MALRD1: variants seen among roughly 807,000 people sequenced by gnomAD.
The protein encoded by MALRD1 is MAM and LDL receptor class A domain containing 1, also known as MAM and LDL-receptor class A domain-containing protein 1.
Under a neutral mutation model 242.1 loss-of-function variants are expected in MALRD1, and 247 were observed. The ratio of observed to expected loss-of-function variants is 1.02; its 90% confidence interval spans 0.92 to 1.13. The LOEUF (loss-of-function observed/expected upper bound fraction) is 1.13, where lower values mean the gene tolerates loss of function less well. MALRD1 is among the 50% of genes most tolerant of loss of function. MALRD1 has a pLI of 0.00. For missense variants in MALRD1, 2,989 were observed against 2,533.1 expected, an observed-to-expected ratio of 1.18 and a Z score of -3.86; for synonymous variants, 995 against 866.6, an observed-to-expected ratio of 1.15 and a Z score of -2.60.
intron 32 of MALRD1, among the ~76,000 whole-genome samples, chr10:19,538,322 A>G (rs1236199371): frequency 6.6e-6 from 1 of 152,210 alleles, no homozygotes; most frequent in Non-Finnish European, 1.5e-5. Flanking sequence ...ATATCCTTCA[A>G]TTAAAGGCTG....
At chr10:19,562,644 A>G (rs997480969) in intron 32 of MALRD1, among the ~76,000 whole-genome samples, 21 of 152,204 alleles carry the variant, frequency 1.4e-4, no homozygotes, top group African/African-American at 5.1e-4. Context: ...TATGACCTCA[A>G]TTCTCTAATG....
chr10:19,335,735 T>A lies in MALRD1; in HGVS notation c.3901+4153T>A, dbSNP rs555603824. Among the ~76,000 whole-genome samples, 4 of 152,260 alleles carry A rather than the reference T, an allele frequency of 2.6e-5. No individual in the cohort carries two copies. The East Asian group carries it at 5.8e-4, about 22-fold the overall frequency. On this transcript the variant is annotated intron_variant, in intron 24 of 39. Transcript: ENST00000454679. ...AATGTGATTAGGTAGAAATATACCA[T>A]CTAGGAATAGCAGAAAGAATGAAAG...
chr10:19,085,372 A>T (rs1835633884), intron 2 of MALRD1, among the ~76,000 whole-genome samples: 1 of 152,046 alleles, frequency 6.6e-6, no homozygotes, highest in African/African-American at 2.4e-5. Flanking sequence ...CTCATACTAA[A>T]GGAGCAAGGT....
chr10:19,392,826 T>C (rs1846395356), intron 28 of MALRD1, among the ~76,000 whole-genome samples: 1 of 152,192 alleles, frequency 6.6e-6, no homozygotes, highest in East Asian at 1.9e-4. Context: ...AATAACAATT[T>C]TTTAAATACA....
chr10:19,471,783 T>C (rs1836511063), intron 29 of MALRD1, among the ~76,000 whole-genome samples: 1 of 151,862 alleles, frequency 6.6e-6, no homozygotes, highest in Non-Finnish European at 1.5e-5. Context: ...ATCCTGCAAC[T>C]TTACAAAATT....
chr10:19,643,347 G>A (rs1469907484), intron 36 of MALRD1, among the ~76,000 whole-genome samples: 1 of 152,152 alleles, frequency 6.6e-6, no homozygotes, highest in Non-Finnish European at 1.5e-5. Flanking sequence ...TCAGGAGGCT[G>A]AAGCAGTAGA....
At chr10:19,157,480 C>T (rs914156015) in intron 12 of MALRD1, among the ~76,000 whole-genome samples, 6 of 152,018 alleles carry the variant, frequency 3.9e-5, no homozygotes, top group South Asian at 2.1e-4. Flanking sequence ...ATCTCCTGAC[C>T]TCGTGATTCA....
intron 9 of MALRD1, 71 bp downstream of exon 9, chr10:19,134,019 A>G: frequency 3.0e-6 from 2 of 674,540 alleles, no homozygotes; most frequent in Middle Eastern, 4.7e-4. Context: ...TAAATTGACC[A>G]TGCACTGCTA....
intron 36 of MALRD1, among the ~76,000 whole-genome samples, chr10:19,676,452 A>AT (rs1589387889): frequency 1.3e-5 from 2 of 152,150 alleles, no homozygotes; most frequent in South Asian, 4.1e-4. Context: ...ATTTGGACAT[A>AT]TTTTTTAACC....
rs77192430 is a variant in MALRD1 at position 19,196,845 on chromosome 10, C to G, written c.1952-6883C>G. 6.5e-3 allele frequency among the ~76,000 whole-genome samples: 995 copies of G among 152,266 alleles called. 6 individuals carry two copies. The highest frequency in any genetic ancestry group is 9.1e-3 in the Non-Finnish European group (621 of 68,020). ...ATCATTAACTTCTGTTTTTCTCATA[C>G]TACACCTTTGATATCAATTAATCCT... is the stretch of plus-strand genomic sequence containing the variant. On this transcript the variant is annotated intron_variant, in intron 14 of 39. Coordinates refer to ENST00000454679, the MANE Select transcript of MALRD1 (RefSeq NM_001142308.3).
chr10:19,386,533 C>G (rs562774436), intron 26 of MALRD1, among the ~76,000 whole-genome samples: 1 of 152,192 alleles, frequency 6.6e-6, no homozygotes, highest in African/African-American at 2.4e-5. Context: ...CAGTTAAATT[C>G]TGTTGTAATA....
intron 29 of MALRD1, among the ~76,000 whole-genome samples, chr10:19,466,057 A>G (rs1208415848): frequency 1.3e-5 from 2 of 152,214 alleles, no homozygotes; most frequent in Non-Finnish European, 2.9e-5. Flanking sequence ...ATTTACATCT[A>G]TGATTAATAA....
At position 19,514,670 on chromosome 10, in the gene MALRD1, C is replaced by G. The variant is rs1189473222; in HGVS notation, c.5320+16024C>G. ...GTACATAGTTATAGGAAAGAAAAACCTTAGTTCATTTAATAAACAGAACTC... is the reference window on the plus strand; with the variant it reads ...GTACATAGTTATAGGAAAGAAAAACGTTAGTTCATTTAATAAACAGAACTC... On this transcript the variant is annotated intron_variant, in intron 31 of 39. Coordinates refer to ENST00000454679, the MANE Select transcript of MALRD1 (RefSeq NM_001142308.3). Among the ~76,000 whole-genome samples, 3 of 152,018 alleles carry G rather than the reference C, an allele frequency of 2.0e-5. 1 individual carries two copies. Among genetic ancestry groups the G allele is most frequent in the Non-Finnish European group, 4.4e-5 (3 of 67,944 alleles).
intron 36 of MALRD1, among the ~76,000 whole-genome samples, chr10:19,618,778 G>A (rs538415772): frequency 2.0e-5 from 3 of 151,976 alleles, no homozygotes; most frequent in African/African-American, 4.8e-5. Flanking sequence ...TCACCTTTTC[G>A]TCTTGGCAGT....
chr10:19,693,880 A>G (rs1464256803), intron 38 of MALRD1, among the ~76,000 whole-genome samples: 1 of 152,324 alleles, frequency 6.6e-6, no homozygotes, highest in East Asian at 1.9e-4. Context: ...AAACAGAGAT[A>G]TAGACGAATG....
At position 19,209,377 on chromosome 10, in the gene MALRD1, A is replaced by C; in HGVS notation, c.2688A>C (p.Thr896=). 6.4e-7 allele frequency: 1 copy of C among 1,551,020 alleles called. No homozygotes were observed. The highest frequency in any genetic ancestry group is 8.7e-7 in the Non-Finnish European group (1 of 1,147,078). Residue 896 remains threonine, a synonymous_variant, in exon 18 of 40, where the codon ACA becomes ACC. Coordinates refer to ENST00000454679, the MANE Select transcript of MALRD1 (RefSeq NM_001142308.3). ...AGGGTCCAACTCCAACACTTAACAC[A>C]GGGCCAATGAAAGATAACACTCTGG... The part of the protein sequence containing the change: ...RSQGPTPTLN[T]GPMKDNTLGT...
chr10:19,600,784 GAATGAGCTATGTGGCACAA>G (rs1838303793), intron 34 of MALRD1, among the ~76,000 whole-genome samples: 1 of 152,142 alleles, frequency 6.6e-6, no homozygotes. Context: ...CAACCTGAGT[GAATGAGCTATGTGGCACAA>G]AATGCCCTGT....
chr10:19,698,507 G>T (rs1264289432), intron 38 of MALRD1, among the ~76,000 whole-genome samples: 1 of 152,186 alleles, frequency 6.6e-6, no homozygotes, highest in East Asian at 1.9e-4. Context: ...AAAGAAAGGA[G>T]GATGAGAGTT....
At chr10:19,575,840 C>T (rs1045736278) in intron 33 of MALRD1, among the ~76,000 whole-genome samples, 5 of 152,146 alleles carry the variant, frequency 3.3e-5, no homozygotes, top group African/African-American at 1.2e-4. Context: ...TATGATTGTT[C>T]ATCAGAATCT....
Sources: allele counts gnomAD v4.1 joint callset (sites outside exome capture counted in the v4.1 genomes callset), GRCh38; gene constraint gnomAD v4.1.1; transcripts MANE v1.5; gene names NCBI Gene and HGNC (gene_info 2026-07-23, HGNC 2026-07-21).